STARD3NL: variants seen among roughly 807,000 people sequenced by gnomAD.
STARD3NL encodes STARD3 N-terminal like.
A neutral mutation model predicts 30.9 loss-of-function variants in STARD3NL; 17 were observed. That is an observed-to-expected ratio of 0.55 (90% CI 0.38 to 0.82). The LOEUF (loss-of-function observed/expected upper bound fraction) is 0.82. Ranked by LOEUF, STARD3NL falls within the 40% of genes least tolerant of loss-of-function variation. STARD3NL has a pLI of 0.00. For synonymous variants in STARD3NL, 112 were observed against 100.5 expected (o/e 1.11, Z -0.69); for missense variants, 234 against 277.6 (o/e 0.84, Z 1.12).
At chr7:38,183,864 T>G (rs1173479242) in intron 1 of STARD3NL, among the ~76,000 whole-genome samples, 1 of 152,220 alleles carries the variant, frequency 6.6e-6, no homozygotes, top group Non-Finnish European at 1.5e-5. Flanking sequence ...CTGCATATAA[T>G]ATACCAAGGG....
At chr7:38,203,760 C>T (rs907204299) in intron 1 of STARD3NL, among the ~76,000 whole-genome samples, 49 of 152,076 alleles carry the variant, frequency 3.2e-4, no homozygotes, top group Admixed American at 2.2e-3. Context: ...CACACATAGG[C>T]TCAAAATAAA....
intron 8 of STARD3NL, 54 bp downstream of exon 8, chr7:38,228,925 C>A: frequency 7.7e-7 from 1 of 1,298,868 alleles, no homozygotes; most frequent in South Asian, 1.3e-5. Context: ...TGGAGATTTC[C>A]TTTGAGTAGA....
chr7:38,225,856 G>A (rs1342388860), intron 7 of STARD3NL, among the ~76,000 whole-genome samples: 1 of 152,102 alleles, frequency 6.6e-6, no homozygotes, highest in Non-Finnish European at 1.5e-5. Flanking sequence ...AGGTTGACAC[G>A]GATGTGTCTG....
At chr7:38,219,242 T>C (rs551114356) in intron 6 of STARD3NL, among the ~76,000 whole-genome samples, 1 of 152,220 alleles carries the variant, frequency 6.6e-6, no homozygotes, top group South Asian at 2.1e-4. Flanking sequence ...AGACAGGGTC[T>C]TGCTATGTTG....
intron 1 of STARD3NL, among the ~76,000 whole-genome samples, chr7:38,196,955 C>T (rs1784924278): frequency 6.6e-6 from 1 of 152,090 alleles, no homozygotes; most frequent in Non-Finnish European, 1.5e-5. Context: ...TTGTAATGGG[C>T]AGTTCGCCAA....
At chr7:38,220,211 C>G (rs1363700683) in intron 7 of STARD3NL, among the ~76,000 whole-genome samples, 1 of 152,200 alleles carries the variant, frequency 6.6e-6, no homozygotes, top group African/African-American at 2.4e-5. Flanking sequence ...CTTTGTCTCC[C>G]TGCCTCCAGT....
At chr7:38,181,734 C>T (rs552026831) in intron 1 of STARD3NL, among the ~76,000 whole-genome samples, 23 of 152,298 alleles carry the variant, frequency 1.5e-4, no homozygotes, top group African/African-American at 5.5e-4. Flanking sequence ...CTGGCTATCT[C>T]TATTCTTTAA....
At chr7:38,197,176 C>CTTTCTTTCTTT (rs1431103352) in intron 1 of STARD3NL, among the ~76,000 whole-genome samples, 1 of 147,772 alleles carries the variant, frequency 6.8e-6, no homozygotes, top group Non-Finnish European at 1.5e-5. Flanking sequence ...TTCTTTCTTT[C>CTTTCTTTCTTT]TTTCTTTCTT....
chr7:38,217,668 A>C (rs576153766), intron 6 of STARD3NL, among the ~76,000 whole-genome samples: 1 of 152,206 alleles, frequency 6.6e-6, no homozygotes, highest in Non-Finnish European at 1.5e-5. Context: ...GTGCATGTAA[A>C]CAGAACTGTG....
At chr7:38,226,415 A>G (rs1786771275) in intron 7 of STARD3NL, among the ~76,000 whole-genome samples, 3 of 152,066 alleles carry the variant, frequency 2.0e-5, no homozygotes, top group Admixed American at 2.0e-4. Flanking sequence ...ACCCATGTCT[A>G]GAGCCTACTG....
intron 1 of STARD3NL, among the ~76,000 whole-genome samples, chr7:38,187,327 C>T (rs1784503260): frequency 1.3e-5 from 2 of 152,228 alleles, no homozygotes; most frequent in Non-Finnish European, 2.9e-5. Context: ...CTGGCTTGCT[C>T]TTCTTTGCCT....
chr7:38,217,064 G>A lies in STARD3NL; in HGVS notation c.421G>A (p.Val141Met), dbSNP rs1198386242. The A allele has an allele frequency of 4.3e-6, 7 of 1,614,116 alleles. No individual in the cohort carries two copies. The highest frequency in any genetic ancestry group is 5.9e-6 in the Non-Finnish European group (7 of 1,179,972). ...GACCAGTGCCTTTTTACTAGCAAAAGTGATCCTTTCGAAGGTATGGCCTAC... is the reference window on the plus strand; with the variant it reads ...GACCAGTGCCTTTTTACTAGCAAAAATGATCCTTTCGAAGGTATGGCCTAC... ...AVTSAFLLAK[V>M]ILSKLFSQGA... Residue 141 changes from valine (V) to methionine (M), a missense_variant, in exon 5 of 9, where the codon GTG (valine) becomes ATG (methionine). Transcript: ENST00000009041.
At position 38,224,950 on chromosome 7, in the gene STARD3NL, G is replaced by C. The variant is rs139617580; in HGVS notation, c.650-3849G>C. On this transcript the variant is annotated intron_variant, in intron 7 of 8. Transcript: ENST00000009041. ...GGATACAGTACTATCTGTGGTTTCA[G>C]GTATCCAGGGATAAGGGAGATTACT... Among the ~76,000 whole-genome samples the C allele has an allele frequency of 2.3e-3, 352 of 152,224 alleles. 3 individuals are homozygous for C. Among genetic ancestry groups the C allele is most frequent in the African/African-American group, 8.2e-3 (340 of 41,524 alleles).
chr7:38,229,828 C>T (rs1410753887), intron 8 of STARD3NL, 95 bp from the exon 9 acceptor site: 2 of 152,236 alleles, frequency 1.3e-5, no homozygotes, highest in Non-Finnish European at 2.9e-5. Context: ...AGCCCCTCTT[C>T]AGCACACAGA....
chr7:38,192,902 A>T (rs1055725776), intron 1 of STARD3NL, among the ~76,000 whole-genome samples: 1 of 152,052 alleles, frequency 6.6e-6, no homozygotes, highest in Non-Finnish European at 1.5e-5. Flanking sequence ...TCCTGAGGCC[A>T]ACTGTCAGTT....
At chr7:38,194,097 C>T (rs945267864) in intron 1 of STARD3NL, among the ~76,000 whole-genome samples, 1 of 152,012 alleles carries the variant, frequency 6.6e-6, no homozygotes, top group African/African-American at 2.4e-5. Flanking sequence ...TTATTCTATT[C>T]AGGTCATTTG....
Position 38,217,284 on chromosome 7 carries a change from C to A in STARD3NL, c.532C>A (p.Gln178Lys), listed in dbSNP as rs771143236. 21 of 1,613,832 alleles carry A rather than the reference C, an allele frequency of 1.3e-5. No individual in the cohort carries two copies. Among genetic ancestry groups the A allele is most frequent in the Non-Finnish European group, 1.6e-5 (19 of 1,179,944 alleles). ...TWFLDFKVLP[Q>K]EAEEENRLLI... ...GTTCCTGGATTTCAAAGTGTTACCT[C>A]AAGAAGCAGAAGAAGAAAACAGTAA... Residue 178 changes from glutamine (Q) to lysine (K), a missense_variant, in exon 6 of 9, where the codon CAA (glutamine) becomes AAA (lysine). Gln to Lys is a moderately conservative substitution (Grantham distance 53). Coordinates refer to ENST00000009041, the MANE Select transcript of STARD3NL (RefSeq NM_032016.4).
At chr7:38,224,273 A>G (rs1022006445) in intron 7 of STARD3NL, among the ~76,000 whole-genome samples, 1 of 152,252 alleles carries the variant, frequency 6.6e-6, no homozygotes, top group Non-Finnish European at 1.5e-5. Flanking sequence ...ATTCATGTAC[A>G]TGCCTCTGTG....
chr7:38,187,582 T>A (rs1346634037), intron 1 of STARD3NL, among the ~76,000 whole-genome samples: 4 of 152,180 alleles, frequency 2.6e-5, no homozygotes, highest in Non-Finnish European at 2.9e-5. Context: ...TGGACTTACA[T>A]AGGGCCCACT....
Sources: allele counts gnomAD v4.1 joint callset (sites outside exome capture counted in the v4.1 genomes callset), GRCh38; gene constraint gnomAD v4.1.1; transcripts MANE v1.5; gene names NCBI Gene and HGNC (gene_info 2026-07-23, HGNC 2026-07-21).